NEU3: variants seen among roughly 807,000 people sequenced by gnomAD.
NEU3 encodes the protein sialidase-3.
Under a neutral mutation model 11.4 loss-of-function variants are expected in NEU3, and 10 were observed. The observed-to-expected ratio is 0.88, with a 90% CI of 0.54 to 1.49. The LOEUF is 1.49. Ranked by LOEUF, NEU3 falls within the 40% of genes most tolerant of loss-of-function variation. NEU3 has a pLI of 0.00. For missense variants in NEU3, 529 were observed against 581.8 expected, an observed-to-expected ratio of 0.91 and a Z score of 0.93; for synonymous variants, 212 against 228.2, an observed-to-expected ratio of 0.93 and a Z score of 0.64.
chr11:74,994,981 G>A (rs1948774611), intron 2 of NEU3: 1 of 624,592 alleles, frequency 1.6e-6, no homozygotes, highest in Non-Finnish European at 2.9e-6. Context: ...CAGAGAGGTT[G>A]CCATTTGCTC....
intron 2 of NEU3, among the ~76,000 whole-genome samples, chr11:74,995,350 C>G (rs560092184): frequency 6.6e-6 from 1 of 152,158 alleles, no homozygotes; most frequent in Non-Finnish European, 1.5e-5. Context: ...TTTGGTCACG[C>G]GTCTAATAAG....
At position 75,006,447 on chromosome 11, in the gene NEU3, C is replaced by T. The variant is rs1948900987; in HGVS notation, c.1341C>T (p.Asp447=). The T allele has an allele frequency of 6.2e-7, 1 of 1,613,736 alleles. No individual in the cohort carries two copies. The highest frequency in any genetic ancestry group is 1.3e-5 in the African/African-American group (1 of 74,912). The change falls in exon 3 of 3, where the codon GAC becomes GAT. Residue 447 remains aspartate (D), a synonymous_variant. Transcript: ENST00000294064. The part of the protein sequence containing the change: ...HREILSHLQG[D]CTSPGRNPSQ... ...AGATCCTGAGTCACCTGCAGGGGGA[C>T]TGCACCAGCCCTGGTAGGAACCCAA...
rs140434545 is a variant in NEU3, at chr11:74,997,971, T to A, written c.306+3251T>A. The stretch of plus-strand genomic sequence containing the variant: ...CAACATGCCTTCCTCGTAAGTTTAA[T>A]CATTTCTAGCTTTGATTTAAAGTGA... On this transcript the variant is annotated intron_variant, in intron 2 of 2. Transcript: ENST00000294064. Among the ~76,000 whole-genome samples the A allele has an allele frequency of 3.7e-4, 57 of 152,362 alleles. No homozygotes were observed. In the East Asian group the frequency reaches 9.1e-3, roughly 24 times the overall value.
At position 75,006,644 on chromosome 11, in the gene NEU3, C is replaced by A; in HGVS notation, c.*152C>A. The A allele has an allele frequency of 2.3e-6, 2 of 882,242 alleles. No homozygotes were observed. Among genetic ancestry groups the A allele is most frequent in the Non-Finnish European group, 3.3e-6 (2 of 599,288 alleles). 54.7% of individuals were successfully genotyped at this position (882,242 alleles called of 1,614,324 possible). A position where few individuals can be genotyped will look rare whatever the true frequency, so the allele number is the denominator to read the frequency against. On this transcript the variant is annotated 3_prime_UTR_variant, in exon 3 of 3. Coordinates refer to ENST00000294064, the MANE Select transcript of NEU3 (RefSeq NM_006656.6). ...TCCAAAGAGCAAAATGAAAATTTTG[C>A]CTTAGCTACTGCAGTGGAAAGAGCA...
At chr11:74,987,809 T>A (rs1161287108), upstream of NEU3, among the ~76,000 whole-genome samples, 1 of 147,050 alleles carries the variant, frequency 6.8e-6, no homozygotes, top group East Asian at 2.1e-4. Flanking sequence ...ACACACTCCA[T>A]CTCAAAAAAT....
the NEU3 span, among the ~76,000 whole-genome samples, chr11:74,982,984 T>G: frequency 0.41 from 61,502 of 151,752 alleles, 13,301 homozygotes; most frequent in Middle Eastern, 0.51. Flanking sequence ...ACTGCTTGGT[T>G]TGGGTGCCCA....
At chr11:74,995,042 G>T (rs553167011) in intron 2 of NEU3, 7 of 577,710 alleles carry the variant, frequency 1.2e-5, no homozygotes, top group Admixed American at 1.2e-4. Context: ...AAACTCAGTC[G>T]CTGACTCCAG....
upstream of NEU3, among the ~76,000 whole-genome samples, chr11:74,986,854 TC>T (rs1226736420): frequency 6.6e-6 from 1 of 152,212 alleles, no homozygotes; most frequent in African/African-American, 2.4e-5. Context: ...TTAAGTTAGA[TC>T]CTTAACTCAT....
At chr11:75,004,154 C>G in intron 2 of NEU3, 1 of 508,044 alleles carries the variant, frequency 2.0e-6, no homozygotes, top group Admixed American at 3.9e-5. Context: ...GTCCTACATA[C>G]AGGTTGAACC....
In NEU3 at chr11:74,989,003, C is replaced by T. The variant is rs1417649304; in HGVS notation, c.-58C>T. 3 of 1,304,672 alleles carry T rather than the reference C, an allele frequency of 2.3e-6. No homozygotes were observed. The highest frequency in any genetic ancestry group is 3.2e-6 in the Non-Finnish European group (3 of 927,684). The allele number at this position is 1,304,672 out of a possible 1,614,324, so 80.8% of individuals were successfully genotyped here. On this transcript the variant is annotated 5_prime_UTR_variant, in exon 1 of 3. Transcript: ENST00000294064. ...GTCTCAGTTGTTTCTCCCTCTCTAT[C>T]CTCCTCTGTCTCAGTCTCCCCAGCC... is the stretch of plus-strand genomic sequence containing the variant.
chr11:75,011,315 T>A (rs1565499898), downstream of NEU3, among the ~76,000 whole-genome samples: 1 of 152,226 alleles, frequency 6.6e-6, no homozygotes, highest in Non-Finnish European at 1.5e-5. Context: ...AGTGGAATGA[T>A]AGCTTTAACT....
At chr11:74,988,929 C>G, upstream of NEU3, 1 of 724,238 alleles carries the variant, frequency 1.4e-6, no homozygotes, top group Non-Finnish European at 2.3e-6. Context: ...TACCTGTTTC[C>G]GGCAGTCGAC....
At chr11:75,015,032 C>T (rs1418048272), downstream of NEU3, among the ~76,000 whole-genome samples, 4 of 152,196 alleles carry the variant, frequency 2.6e-5, no homozygotes, top group Non-Finnish European at 4.4e-5. Flanking sequence ...CATACTAGCC[C>T]ATAATGTGTG....
At position 75,006,586 on chromosome 11, in the gene NEU3, A is replaced by C; in HGVS notation, c.*94A>C. 7.1e-7 allele frequency: 1 copy of C among 1,404,786 alleles called. No individual in the cohort carries two copies. The highest frequency in any genetic ancestry group is 9.5e-7 in the Non-Finnish European group (1 of 1,053,630). 87.0% of individuals were successfully genotyped at this position (1,404,786 alleles called of 1,614,324 possible). On this transcript the variant is annotated 3_prime_UTR_variant, in exon 3 of 3. Transcript: ENST00000294064. ...TCTACAGATAATCAAAAAACTTAATATTCTGTTCCCTACCTTTTTTCACTT... is the reference window on the plus strand; with the variant it reads ...TCTACAGATAATCAAAAAACTTAATCTTCTGTTCCCTACCTTTTTTCACTT...
chr11:74,995,216 TTA>T (rs1318085861), intron 2 of NEU3, among the ~76,000 whole-genome samples: 1 of 152,214 alleles, frequency 6.6e-6, no homozygotes, highest in East Asian at 1.9e-4. Context: ...AGGACCACAT[TTA>T]GCAGGTGACA....
chr11:75,000,889 C>T (rs1948837729), intron 2 of NEU3, among the ~76,000 whole-genome samples: 1 of 151,528 alleles, frequency 6.6e-6, no homozygotes, highest in Non-Finnish European at 1.5e-5. Flanking sequence ...GTTGCTTTTG[C>T]CTGTTGGGTA....
chr11:75,018,240 G>T (rs948274151), intron 3 of NEU3, among the ~76,000 whole-genome samples: 7 of 152,014 alleles, frequency 4.6e-5, no homozygotes, highest in African/African-American at 1.7e-4. Flanking sequence ...GATAAGGTGA[G>T]CTTGTTCTCC....
intron 2 of NEU3, among the ~76,000 whole-genome samples, chr11:74,997,243 G>T (rs533431390): frequency 1.3e-5 from 2 of 152,350 alleles, no homozygotes; most frequent in Non-Finnish European, 2.9e-5. Flanking sequence ...ACTGGCTATA[G>T]CTTCTCCCAT....
In NEU3 at chr11:74,988,937, G is replaced by T. The variant is rs1948697782; in HGVS notation, c.-124G>T. On this transcript the variant is annotated 5_prime_UTR_variant, in exon 1 of 3. Transcript: ENST00000294064. The stretch of plus-strand genomic sequence containing the variant: ...TTGCCGTTACCTGTTTCCGGCAGTC[G>T]ACACGCTCTTCGCTTCTCGGGGCTT... The T allele has an allele frequency of 2.6e-6, 2 of 760,446 alleles. No individual in the cohort carries two copies. Among genetic ancestry groups the T allele is most frequent in the South Asian group, 1.6e-5 (1 of 63,698 alleles). 47.1% of individuals were successfully genotyped at this position (760,446 alleles called of 1,614,324 possible). A position where few individuals can be genotyped will look rare whatever the true frequency, so the allele number is the denominator to read the frequency against.
Sources: gnomAD v4.1 joint callset for allele counts (sites outside exome capture counted in the v4.1 genomes callset) on GRCh38, gnomAD v4.1.1 for gene constraint, MANE v1.5 for transcripts, NCBI Gene and HGNC (gene_info 2026-07-23, HGNC 2026-07-21) for gene names.